GRIN2A: variants seen among roughly 807,000 people sequenced by gnomAD.
The protein encoded by GRIN2A is glutamate receptor ionotropic, NMDA 2A.
A neutral mutation model predicts 113.4 loss-of-function variants in GRIN2A; 22 were observed. That is an observed-to-expected ratio of 0.19 (90% CI 0.14 to 0.28). The LOEUF (loss-of-function observed/expected upper bound fraction) is 0.28, where lower values mean the gene tolerates loss of function less well. GRIN2A is among the 10% of genes least tolerant of loss of function. GRIN2A has a pLI of 1.00. For synonymous variants in GRIN2A, 827 were observed against 738.4 expected (o/e 1.12, Z -1.94); for missense variants, 1,502 against 1,887.0 (o/e 0.80, Z 3.78).
At chr16:10,006,788 C>A (rs925680008) in intron 2 of GRIN2A, among the ~76,000 whole-genome samples, 1 of 152,180 alleles carries the variant, frequency 6.6e-6, no homozygotes, top group Non-Finnish European at 1.5e-5. Context: ...TCTCTCACAA[C>A]TACCCTTCCC....
intron 4 of GRIN2A, among the ~76,000 whole-genome samples, chr16:9,865,653 A>T (rs566641477): frequency 2.9e-4 from 44 of 152,352 alleles, no homozygotes; most frequent in African/African-American, 1.0e-3. Flanking sequence ...TCAGTTCCTT[A>T]GGGTTAGATC....
chr16:10,039,221 C>T (rs193017663), intron 2 of GRIN2A, among the ~76,000 whole-genome samples: 2 of 151,996 alleles, frequency 1.3e-5, no homozygotes, highest in Non-Finnish European at 2.9e-5. Context: ...CACTCTTGTT[C>T]CTTGGTGCCA....
At chr16:10,066,824 G>A (rs2047657736) in intron 2 of GRIN2A, among the ~76,000 whole-genome samples, 1 of 152,178 alleles carries the variant, frequency 6.6e-6, no homozygotes, top group African/African-American at 2.4e-5. Flanking sequence ...ACACTGATAT[G>A]TAAGACCAGC....
intron 3 of GRIN2A, among the ~76,000 whole-genome samples, chr16:9,899,440 CAAAAAAAAAAAA>C (rs71157791): frequency 9.7e-4 from 6 of 6,208 alleles, no homozygotes; most frequent in Admixed American, 1.9e-3. Flanking sequence ...AACTCCGTCT[CAAAAAAAAAAAA>C]AAAAAAAAAA....
intron 11 of GRIN2A, among the ~76,000 whole-genome samples, chr16:9,775,128 C>T (rs935539204): frequency 6.6e-6 from 1 of 152,190 alleles, no homozygotes; most frequent in South Asian, 2.1e-4. Context: ...CATTTTGAAC[C>T]TGTACCCTTT....
intron 2 of GRIN2A, among the ~76,000 whole-genome samples, chr16:10,081,990 C>A (rs751740062): frequency 2.6e-4 from 40 of 152,220 alleles, no homozygotes; most frequent in African/African-American, 9.2e-4. Flanking sequence ...CTTATAGAAC[C>A]CTTATTTTTT....
chr16:10,054,113 T>C (rs6497662), intron 2 of GRIN2A, among the ~76,000 whole-genome samples: 79,302 of 151,210 alleles, frequency 0.52, 21,197 homozygotes, highest in East Asian at 0.87. Context: ...GAAACAAAGC[T>C]AAAAAAAGGA....
intron 2 of GRIN2A, among the ~76,000 whole-genome samples, chr16:9,995,838 A>G (rs2046212256): frequency 6.6e-6 from 1 of 152,018 alleles, no homozygotes; most frequent in East Asian, 1.9e-4. Flanking sequence ...ATAGAGAAGT[A>G]AGGCTTATGG....
chr16:9,876,559 G>A (rs558111754), intron 4 of GRIN2A, among the ~76,000 whole-genome samples: 3 of 152,142 alleles, frequency 2.0e-5, no homozygotes, highest in Admixed American at 1.3e-4. Flanking sequence ...TGACTCTGCC[G>A]GATTTTGTAG....
chr16:9,807,250 G>C (rs2041990982), intron 10 of GRIN2A, among the ~76,000 whole-genome samples: 1 of 41,518 alleles, frequency 2.4e-5, no homozygotes, highest in Admixed American at 1.9e-4. Flanking sequence ...GAGGGAGGGA[G>C]GGGAGAGAGG....
chr16:10,087,853 A>ATTTT (rs376085870), intron 2 of GRIN2A, among the ~76,000 whole-genome samples: 3 of 108,452 alleles, frequency 2.8e-5, no homozygotes, highest in African/African-American at 3.6e-5. Context: ...TGCCCAGCTA[A>ATTTT]TTTTTTTTTT....
chr16:9,809,049 C>G (rs1424483043), intron 10 of GRIN2A, among the ~76,000 whole-genome samples: 2 of 152,116 alleles, frequency 1.3e-5, no homozygotes, highest in Non-Finnish European at 2.9e-5. Flanking sequence ...CACTGAAAAC[C>G]AAACTGTGAC....
At chr16:9,877,870 CT>C (rs1241466608) in intron 4 of GRIN2A, among the ~76,000 whole-genome samples, 3 of 98,678 alleles carry the variant, frequency 3.0e-5, no homozygotes, top group Non-Finnish European at 5.8e-5. Flanking sequence ...CTGCCTCCCT[CT>C]CCCCCAACTC....
At chr16:9,925,331 C>G (rs949015534) in intron 3 of GRIN2A, among the ~76,000 whole-genome samples, 2 of 152,190 alleles carry the variant, frequency 1.3e-5, no homozygotes, top group Non-Finnish European at 2.9e-5. Context: ...CTAACCCTCA[C>G]TCCACGTGAG....
At chr16:10,031,973 A>G (rs2046937859) in intron 2 of GRIN2A, among the ~76,000 whole-genome samples, 1 of 152,310 alleles carries the variant, frequency 6.6e-6, no homozygotes, top group South Asian at 2.1e-4. Context: ...CCTAGTCTTC[A>G]CATCTCAGTT....
chr16:9,978,798 A>G lies in GRIN2A; in HGVS notation c.415-40247T>C, dbSNP rs1596381933. Among the ~76,000 whole-genome samples, 4 of 152,324 alleles carry G rather than the reference A, an allele frequency of 2.6e-5. 1 individual carries two copies. Among genetic ancestry groups the G allele is most frequent in the Admixed American group, 6.5e-5 (1 of 15,294 alleles). On this transcript the variant is annotated intron_variant, in intron 2 of 12. Transcript: ENST00000330684. ...GGAACGGATGTTCCTCTGGAATCAGAGTAATCTCTTAATGGACCCTGATGA... is the reference window on the plus strand; with the variant it reads ...GGAACGGATGTTCCTCTGGAATCAGGGTAATCTCTTAATGGACCCTGATGA...
At chr16:9,788,385 G>T (rs762453169) in intron 11 of GRIN2A, among the ~76,000 whole-genome samples, 5 of 151,908 alleles carry the variant, frequency 3.3e-5, no homozygotes, top group Non-Finnish European at 5.9e-5. Flanking sequence ...AGCCTCCAGA[G>T]TAGCTGGGAT....
intron 2 of GRIN2A, among the ~76,000 whole-genome samples, chr16:9,974,204 A>G (rs576696101): frequency 1.3e-5 from 2 of 152,306 alleles, no homozygotes; most frequent in South Asian, 4.1e-4. Context: ...TTTTATACTC[A>G]GAAAAAGAAA....
At chr16:9,869,059 G>A (rs572213052) in intron 4 of GRIN2A, among the ~76,000 whole-genome samples, 2 of 152,308 alleles carry the variant, frequency 1.3e-5, no homozygotes, top group South Asian at 2.1e-4. Flanking sequence ...CTCATTGAGG[G>A]TGGGACTGTG....
Sources: allele counts gnomAD v4.1 joint callset (sites outside exome capture counted in the v4.1 genomes callset), GRCh38; gene constraint gnomAD v4.1.1; transcripts MANE v1.5; gene names NCBI Gene and HGNC (gene_info 2026-07-23, HGNC 2026-07-21).